DOCK4: variants seen among roughly 807,000 people sequenced by gnomAD.
DOCK4 encodes dedicator of cytokinesis 4.
In DOCK4, 97 loss-of-function variants were observed where a neutral mutation model predicts 268.1. That is an observed-to-expected ratio of 0.36 (90% CI 0.31 to 0.43). The LOEUF is 0.43. Among genes scored for constraint, DOCK4 ranks in the 20% least tolerant of loss-of-function variants. The pLI, the probability that DOCK4 is intolerant of heterozygous loss-of-function variation, is 1.00. For missense variants in DOCK4, 2,145 were observed against 2,455.7 expected, an observed-to-expected ratio of 0.87 and a Z score of 2.67; for synonymous variants, 954 against 887.2, an observed-to-expected ratio of 1.08 and a Z score of -1.34.
chr7:111,984,063 T>C (rs1798849492), intron 7 of DOCK4, among the ~76,000 whole-genome samples: 1 of 152,076 alleles, frequency 6.6e-6, no homozygotes, highest in African/African-American at 2.4e-5. Context: ...ACTGAAAACA[T>C]CTTTGTATTG....
chr7:112,066,682 TAC>T (rs1563051965), intron 1 of DOCK4, among the ~76,000 whole-genome samples: 205 of 15,530 alleles, frequency 0.013, 22 homozygotes, highest in African/African-American at 0.056. Flanking sequence ...TATACATATA[TAC>T]ATATACATAT....
At chr7:111,751,360 G>A (rs1796633780) in intron 42 of DOCK4, among the ~76,000 whole-genome samples, 1 of 152,162 alleles carries the variant, frequency 6.6e-6, no homozygotes, top group South Asian at 2.1e-4. Context: ...CTTACAGATT[G>A]AAAGAGACTT....
chr7:111,851,467 T>A (rs1305259121), intron 23 of DOCK4, among the ~76,000 whole-genome samples: 1 of 139,982 alleles, frequency 7.1e-6, no homozygotes, highest in Admixed American at 7.0e-5. Context: ...AAAAAAAAAA[T>A]TTCTGAAAGA....
chr7:111,743,069 C>T (rs993655554), intron 44 of DOCK4, among the ~76,000 whole-genome samples: 6 of 152,008 alleles, frequency 3.9e-5, no homozygotes. Flanking sequence ...AACGAGAGAG[C>T]AGGTCCTACT....
intron 31 of DOCK4, among the ~76,000 whole-genome samples, chr7:111,789,463 C>A (rs900705158): frequency 6.6e-6 from 1 of 152,088 alleles, no homozygotes; most frequent in Non-Finnish European, 1.5e-5. Context: ...AGAGTTAAAA[C>A]GATTAGGGAC....
Position 111,868,189 on chromosome 7 carries a change from G to T in DOCK4, c.2110-35C>A, listed in dbSNP as rs1428821958. 6 of 1,492,824 alleles carry T rather than the reference G, an allele frequency of 4.0e-6. No homozygotes were observed. The East Asian group carries it at 1.4e-4, about 35-fold the overall frequency. The allele number at this position is 1,492,824 out of a possible 1,614,324, so 92.5% of individuals were successfully genotyped here. ...ACAATTTTTAAAAGTTAGCTTCAAA[G>T]GAGACAAAGAGTATTTATTTAGCAA... is the stretch of plus-strand genomic sequence containing the variant. On this transcript the variant is annotated intron_variant, in intron 21 of 52. Transcript: ENST00000428084.
rs141002496 is a variant in DOCK4, at chr7:112,168,089, AAT to A, written c.37+38011_37+38012del. On this transcript the variant is annotated intron_variant, in intron 1 of 52. Transcript: ENST00000428084. ...AATACTAGTACTCATAAGTATTTAA[AAT>A]AGTTTCCCAGTTTGAAATAAAGGCT... Among the ~76,000 whole-genome samples the A allele has an allele frequency of 4.6e-3, 697 of 152,364 alleles. 2 individuals carry two copies. Among genetic ancestry groups the A allele is most frequent in the Non-Finnish European group, 8.7e-3 (589 of 68,040 alleles).
At chr7:112,040,587 T>C (rs1804263249) in intron 1 of DOCK4, among the ~76,000 whole-genome samples, 1 of 151,844 alleles carries the variant, frequency 6.6e-6, no homozygotes, top group South Asian at 2.1e-4. Flanking sequence ...AAAAAATAGG[T>C]AGATGATGAG....
At chr7:111,970,842 C>T (rs1562948565) in intron 8 of DOCK4, among the ~76,000 whole-genome samples, 2 of 152,104 alleles carry the variant, frequency 1.3e-5, no homozygotes, top group African/African-American at 2.4e-5. Flanking sequence ...TGGGAATGGG[C>T]CTCAATCTTT....
At chr7:111,920,429 T>G (rs1793008444) in intron 12 of DOCK4, among the ~76,000 whole-genome samples, 1 of 152,174 alleles carries the variant, frequency 6.6e-6, no homozygotes, top group Non-Finnish European at 1.5e-5. Context: ...TTATACCTTA[T>G]TAAAGCTGGG....
chr7:111,783,014 GAAAGA>G (rs1798891578), intron 34 of DOCK4, 90 bp from the exon 35 acceptor site: 63 of 412,804 alleles, frequency 1.5e-4, no homozygotes, highest in Non-Finnish European at 2.0e-4. Flanking sequence ...AAGAAAGAAA[GAAAGA>G]AAAAAAAAAA....
In DOCK4 at chr7:111,868,061, T is replaced by C; in HGVS notation, c.2203A>G (p.Ile735Val). 1.2e-6 allele frequency: 2 copies of C among 1,613,784 alleles called. No individual in the cohort carries two copies. Among genetic ancestry groups the C allele is most frequent in the South Asian group, 1.1e-5 (1 of 91,018 alleles). Residue 735 changes from isoleucine (I) to valine (V), a missense_variant, in exon 22 of 53, where the codon ATT (isoleucine) becomes GTT (valine). Transcript: ENST00000428084. ...GQNEEEFRCC[I>V]QELLMSVRFF... The stretch of plus-strand genomic sequence containing the variant: ...CGGACTGACATGAGAAGCTCCTGAA[T>C]GCAGCAGCGGAACTCCTCTTCGTTT...
Position 111,790,480 on chromosome 7 carries a change from T to G in DOCK4, c.3292A>C (p.Arg1098=). 1 of 1,613,942 alleles carries G rather than the reference T, an allele frequency of 6.2e-7. No individual in the cohort carries two copies. Among genetic ancestry groups the G allele is most frequent in the Non-Finnish European group, 8.5e-7 (1 of 1,179,854 alleles). Reference sequence around the variant, plus strand: ...ACCTGTTTAAAGTTGCCACTCCGCCTCTGCTCCCAGTCCATCATATCATGA... The same window carrying G: ...ACCTGTTTAAAGTTGCCACTCCGCCGCTGCTCCCAGTCCATCATATCATGA... The part of the protein sequence containing the change: ...IFHDMMDWEQ[R]RSGNFKQVEA... Residue 1098 remains arginine (R), a synonymous_variant, in exon 31 of 53, where the codon AGG becomes CGG. Transcript: ENST00000428084.
At chr7:111,922,114 T>A (rs1365830525) in intron 12 of DOCK4, among the ~76,000 whole-genome samples, 2 of 152,238 alleles carry the variant, frequency 1.3e-5, no homozygotes, top group Non-Finnish European at 2.9e-5. Context: ...TACAGTGCTG[T>A]CCTCAGATAC....
At chr7:111,804,904 T>A (rs1027568746) in intron 30 of DOCK4, among the ~76,000 whole-genome samples, 1 of 152,182 alleles carries the variant, frequency 6.6e-6, no homozygotes, top group Non-Finnish European at 1.5e-5. Context: ...CCAACCAAGA[T>A]GTACATTTTA....
At chr7:112,162,885 A>G (rs1257769527) in intron 1 of DOCK4, among the ~76,000 whole-genome samples, 2 of 152,188 alleles carry the variant, frequency 1.3e-5, no homozygotes, top group Admixed American at 1.3e-4. Flanking sequence ...GCACTATTGA[A>G]TTATCCAAGG....
At chr7:112,056,612 ACCTGGGC>A (rs201260505) in intron 1 of DOCK4, among the ~76,000 whole-genome samples, 2 of 152,280 alleles carry the variant, frequency 1.3e-5, no homozygotes, top group Admixed American at 6.5e-5. Flanking sequence ...ACTGGAGTGC[ACCTGGGC>A]CCAGCTAAGT....
At chr7:112,157,916 CT>C (rs1263299123) in intron 1 of DOCK4, among the ~76,000 whole-genome samples, 2 of 152,010 alleles carry the variant, frequency 1.3e-5, no homozygotes, top group Non-Finnish European at 2.9e-5. Context: ...AGGATGGTCT[CT>C]TTGGCTATAG....
In DOCK4 at chr7:112,206,083, T is replaced by G; in HGVS notation, c.37+19A>C. ...GCTCGGGCCAGAGCAGAATAAAAGT[T>G]CGCCCCGCGGAGACTCACCCACGCC... On this transcript the variant is annotated intron_variant, in intron 1 of 52. Coordinates refer to ENST00000428084, the MANE Select transcript of DOCK4 (RefSeq NM_001363540.2). 1.3e-6 allele frequency: 2 copies of G among 1,571,978 alleles called. No individual in the cohort carries two copies. Among genetic ancestry groups the G allele is most frequent in the South Asian group, 1.2e-5 (1 of 85,712 alleles).
Sources: gnomAD v4.1 joint callset for allele counts (sites outside exome capture counted in the v4.1 genomes callset) on GRCh38, gnomAD v4.1.1 for gene constraint, MANE v1.5 for transcripts, NCBI Gene and HGNC (gene_info 2026-07-23, HGNC 2026-07-21) for gene names.